Variants in NAA16 observed in about 807,000 individuals in gnomAD.
The protein encoded by NAA16 is N-alpha-acetyltransferase 16, NatA auxiliary subunit.
Under a neutral mutation model 110.3 loss-of-function variants are expected in NAA16, and 97 were observed. The observed-to-expected ratio is 0.88, with a 90% CI of 0.75 to 1.04. NAA16 has a LOEUF of 1.04. Among genes scored for constraint, NAA16 ranks in the 50% least tolerant of loss-of-function variants. The probability of loss-of-function intolerance (pLI) is 0.00; values close to 1 mark genes in which losing one functional copy is unlikely to be tolerated. For synonymous variants in NAA16, 372 were observed against 330.6 expected (o/e 1.13, Z -1.36); for missense variants, 1,017 against 1,005.1 (o/e 1.01, Z -0.16).
intron 13 of NAA16, among the ~76,000 whole-genome samples, chr13:41,365,963 GCCA>G (rs1408910432): frequency 6.6e-6 from 1 of 151,956 alleles, no homozygotes; most frequent in Non-Finnish European, 1.5e-5. Flanking sequence ...GACTTTTAGC[GCCA>G]CCATTTTTCC....
intron 19 of NAA16, 47 bp downstream of exon 19, chr13:41,374,886 CA>C: frequency 8.9e-7 from 1 of 1,126,244 alleles, no homozygotes; most frequent in South Asian, 1.3e-5. Context: ...AGTGATCTAA[CA>C]AAACGTGTCT....
At chr13:41,355,622 G>A (rs1197541853) in intron 10 of NAA16, among the ~76,000 whole-genome samples, 1 of 152,110 alleles carries the variant, frequency 6.6e-6, no homozygotes, top group African/African-American at 2.4e-5. Context: ...TAGAGATGGG[G>A]TTTCACCATG....
In NAA16 at chr13:41,375,582, G is replaced by A; in HGVS notation, c.2575G>A (p.Val859Ile). The A allele has an allele frequency of 6.2e-7, 1 of 1,612,396 alleles. No individual in the cohort carries two copies. ...ACTGAACCATACAGCTAATTATGATGTCTTGGCAAATGAAATTTGAAATCT... is the reference window on the plus strand; with the variant it reads ...ACTGAACCATACAGCTAATTATGATATCTTGGCAAATGAAATTTGAAATCT... ...VALNHTANYD[V>I]LANEI Residue 859 changes from valine to isoleucine, a missense_variant, in exon 20 of 20, where the codon GTC (valine) becomes ATC (isoleucine). By Grantham distance (29) the Val-to-Ile change is conservative. Coordinates refer to ENST00000379406, the MANE Select transcript of NAA16 (RefSeq NM_024561.5).
At chr13:41,352,921 C>G (rs760752159) in intron 9 of NAA16, among the ~76,000 whole-genome samples, 15 of 152,032 alleles carry the variant, frequency 9.9e-5, no homozygotes, top group Non-Finnish European at 1.9e-4. Context: ...AAACTGACTT[C>G]TTTAAAAATA....
chr13:41,370,956 A>G (rs2043304288), intron 15 of NAA16, among the ~76,000 whole-genome samples: 3 of 152,240 alleles, frequency 2.0e-5, no homozygotes, highest in African/African-American at 7.2e-5. Context: ...TCAAGCCTGA[A>G]ACAATAAATC....
At chr13:41,372,120 G>A in intron 15 of NAA16, 83 bp from the exon 16 acceptor site, 1 of 1,127,714 alleles carries the variant, frequency 8.9e-7, no homozygotes, top group Non-Finnish European at 1.2e-6. Flanking sequence ...AATTACTTTA[G>A]ACATATGTTA....
chr13:41,321,237 C>T (rs1387160526), intron 4 of NAA16, among the ~76,000 whole-genome samples: 2 of 152,040 alleles, frequency 1.3e-5, no homozygotes, highest in Non-Finnish European at 2.9e-5. Context: ...GTTGAGGCTG[C>T]AGTGAGCCAT....
In NAA16 at chr13:41,375,633, C is replaced by G. The variant is rs749545143; in HGVS notation, c.*31C>G. ...TCTAGAAAGTAGACTCCTATAGACT[C>G]AAAGCTGAATTGAGATCAGGGTTTC... On this transcript the variant is annotated 3_prime_UTR_variant, in exon 20 of 20. Transcript: ENST00000379406. 6.6e-7 allele frequency: 1 copy of G among 1,508,364 alleles called. No homozygotes were observed. Among genetic ancestry groups the G allele is most frequent in the South Asian group, 1.3e-5 (1 of 79,194 alleles). The allele number at this position is 1,508,364 out of a possible 1,614,324, so 93.4% of individuals were successfully genotyped here.
At chr13:41,321,922 T>C (rs981977877) in intron 4 of NAA16, among the ~76,000 whole-genome samples, 26 of 152,212 alleles carry the variant, frequency 1.7e-4, no homozygotes, top group African/African-American at 5.8e-4. Flanking sequence ...CTGCTGAACT[T>C]ACTATAATAA....
intron 9 of NAA16, among the ~76,000 whole-genome samples, chr13:41,341,735 T>A (rs1433923535): frequency 6.6e-6 from 1 of 152,038 alleles, no homozygotes; most frequent in Non-Finnish European, 1.5e-5. Flanking sequence ...AATAAGAACA[T>A]CTCCTACTTT....
At chr13:41,362,276 A>G (rs2043128107) in intron 13 of NAA16, 117 bp downstream of exon 13, 3 of 1,104,702 alleles carry the variant, frequency 2.7e-6, no homozygotes, top group South Asian at 3.4e-5. Flanking sequence ...TGTGAAAAAA[A>G]TTCTTGATCT....
chr13:41,324,500 C>T (rs1469007896), intron 5 of NAA16, among the ~76,000 whole-genome samples: 5 of 150,072 alleles, frequency 3.3e-5, no homozygotes, highest in Non-Finnish European at 4.4e-5. Context: ...CTCAGCTTCC[C>T]GAGTAGCTGG....
At chr13:41,335,838 A>G (rs2042365734) in intron 8 of NAA16, among the ~76,000 whole-genome samples, 1 of 146,276 alleles carries the variant, frequency 6.8e-6, no homozygotes, top group Non-Finnish European at 1.5e-5. Flanking sequence ...CTTGAGGCTA[A>G]ATCATTCATG....
intron 9 of NAA16, among the ~76,000 whole-genome samples, chr13:41,339,545 T>TTTTG (rs925417520): frequency 2.6e-5 from 4 of 152,082 alleles, no homozygotes; most frequent in Non-Finnish European, 2.9e-5. Flanking sequence ...CATAACTTTT[T>TTTTG]TTTGTTTGTT....
chr13:41,329,362 CTA>C (rs1306207401), intron 7 of NAA16, among the ~76,000 whole-genome samples: 1 of 151,886 alleles, frequency 6.6e-6, no homozygotes, highest in Non-Finnish European at 1.5e-5. Flanking sequence ...TTTCAGAACT[CTA>C]GTGTCAGTCC....
In NAA16 at chr13:41,324,880, T is replaced by G. The variant is rs556197904; in HGVS notation, c.538-818T>G. Among the ~76,000 whole-genome samples the G allele has an allele frequency of 4.0e-3, 537 of 135,096 alleles. 10 individuals carry two copies. Among genetic ancestry groups the G allele is most frequent in the South Asian group, 6.5e-3 (30 of 4,624 alleles). 88.6% of individuals were successfully genotyped at this position (135,096 alleles called of 152,430 possible). A position where few individuals can be genotyped will look rare whatever the true frequency, so the allele number is the denominator to read the frequency against. ...TACCACTGTGCCTGACAATGTTGTG[T>G]TTTTTTTTTTTAAGACATAATGCTG... is the stretch of plus-strand genomic sequence containing the variant. On this transcript the variant is annotated intron_variant, in intron 5 of 19. Coordinates refer to ENST00000379406, the MANE Select transcript of NAA16 (RefSeq NM_024561.5).
chr13:41,326,767 A>G (rs1298113157), intron 6 of NAA16, among the ~76,000 whole-genome samples: 1 of 152,184 alleles, frequency 6.6e-6, no homozygotes, highest in East Asian at 1.9e-4. Context: ...TAAAATCTAG[A>G]AAAAGGTGCA....
intron 10 of NAA16, among the ~76,000 whole-genome samples, chr13:41,356,026 G>A (rs1310548144): frequency 6.6e-6 from 1 of 152,102 alleles, no homozygotes; most frequent in Non-Finnish European, 1.5e-5. Flanking sequence ...TTTTTCTGAT[G>A]TTTTTTAAGA....
intron 9 of NAA16, among the ~76,000 whole-genome samples, chr13:41,347,126 G>GA (rs1188475747): frequency 6.6e-6 from 1 of 151,158 alleles, no homozygotes; most frequent in African/African-American, 2.4e-5. Context: ...TGAGGCAGGA[G>GA]AATCACTTGA....
Sources: gnomAD v4.1 joint callset for allele counts (sites outside exome capture counted in the v4.1 genomes callset) on GRCh38, gnomAD v4.1.1 for gene constraint, MANE v1.5 for transcripts, NCBI Gene and HGNC (gene_info 2026-07-23, HGNC 2026-07-21) for gene names.